PPP1R3B: variants seen among roughly 807,000 people sequenced by gnomAD.
PPP1R3B encodes the protein PP1 subunit R4.
A neutral mutation model predicts 14.6 loss-of-function variants in PPP1R3B; 8 were observed. That is an observed-to-expected ratio of 0.55 (90% CI 0.32 to 0.99). The LOEUF (loss-of-function observed/expected upper bound fraction) is 0.99, where lower values mean the gene tolerates loss of function less well. Among genes scored for constraint, PPP1R3B ranks in the 50% least tolerant of loss-of-function variants. The pLI, the probability that PPP1R3B is intolerant of heterozygous loss-of-function variation, is 0.04. For missense variants in PPP1R3B, 452 were observed against 360.1 expected (o/e 1.26, Z -2.07); for synonymous variants, 169 against 142.0 (o/e 1.19, Z -1.35).
Position 9,139,274 on chromosome 8 carries a change from G to T in PPP1R3B, c.*1520C>A, listed in dbSNP as rs1032045512. The T allele has an allele frequency of 1.3e-5, 2 of 152,180 alleles. No individual in the cohort carries two copies. Among genetic ancestry groups the T allele is most frequent in the African/African-American group, 2.4e-5 (1 of 41,436 alleles). The allele number at this position is 152,180 out of a possible 1,614,324, so 9.4% of individuals were successfully genotyped here. On this transcript the variant is annotated 3_prime_UTR_variant, in exon 2 of 2. Coordinates refer to ENST00000310455, the MANE Select transcript of PPP1R3B (RefSeq NM_024607.4). ...ACAGACTTTAGTCCAATATGGTTAA[G>T]AACAATGAATCTCTGAAATTTCAGA... is the stretch of plus-strand genomic sequence containing the variant.
chr8:9,138,785 A>G lies in PPP1R3B; in HGVS notation c.*2009T>C, dbSNP rs1353629820. On this transcript the variant is annotated 3_prime_UTR_variant, in exon 2 of 2. Transcript: ENST00000310455. ...AGTCGTTTAACCAAACTCCAAAAAC[A>G]AACAAAAATAGAAAATAAAAAACCA... 1.3e-5 allele frequency: 2 copies of G among 152,238 alleles called. No homozygotes were observed. The highest frequency in any genetic ancestry group is 2.9e-5 in the Non-Finnish European group (2 of 68,044). The allele number at this position is 152,238 out of a possible 1,614,324, so 9.4% of individuals were successfully genotyped here. A position where few individuals can be genotyped will look rare whatever the true frequency, so the allele number is the denominator to read the frequency against.
intron 1 of PPP1R3B, among the ~76,000 whole-genome samples, chr8:9,148,129 T>A (rs1268584839): frequency 6.6e-6 from 1 of 152,134 alleles, no homozygotes; most frequent in Non-Finnish European, 1.5e-5. Context: ...GCTCAGGAAC[T>A]CCCCAGCGGA....
chr8:9,147,407 G>T (rs1019069876), intron 1 of PPP1R3B, among the ~76,000 whole-genome samples: 1 of 152,034 alleles, frequency 6.6e-6, no homozygotes, highest in Non-Finnish European at 1.5e-5. Context: ...AGGGAGGAAG[G>T]GTTCCTCTTC....
intron 1 of PPP1R3B, chr8:9,145,366 G>C (rs1801210469): frequency 6.6e-6 from 1 of 152,208 alleles, no homozygotes; most frequent in Admixed American, 6.5e-5. Flanking sequence ...TGAGAATGAA[G>C]ACCTTTATGA....
upstream of PPP1R3B, chr8:9,151,402 C>A (rs79363886): frequency 0.021 from 3,384 of 160,466 alleles, 120 homozygotes; most frequent in African/African-American, 0.076. Context: ...CAGCATACGC[C>A]CTGGGGGAAC....
chr8:9,137,908 G>C lies in PPP1R3B; in HGVS notation c.*2886C>G, dbSNP rs1331473034. The C allele has an allele frequency of 6.6e-6, 1 of 152,240 alleles. No homozygotes were observed. Among genetic ancestry groups the C allele is most frequent in the African/African-American group, 2.4e-5 (1 of 41,456 alleles). 9.4% of individuals were successfully genotyped at this position (152,240 alleles called of 1,614,324 possible). A position where few individuals can be genotyped will look rare whatever the true frequency, so the allele number is the denominator to read the frequency against. On this transcript the variant is annotated 3_prime_UTR_variant, in exon 2 of 2. Coordinates refer to ENST00000310455, the MANE Select transcript of PPP1R3B (RefSeq NM_024607.4). ...AGCTGGGAGAAAGACGGGTAGTGGG[G>C]AGGGTTTACGGCTGCTTTAGAAGAG...
intron 1 of PPP1R3B, among the ~76,000 whole-genome samples, chr8:9,144,570 T>G (rs1801178339): frequency 6.6e-6 from 1 of 152,156 alleles, no homozygotes; most frequent in Non-Finnish European, 1.5e-5. Flanking sequence ...TAATATCACA[T>G]AGAGACATTT....
Position 9,140,880 on chromosome 8 carries a change from G to A in PPP1R3B, c.772C>T (p.Gln258Ter), listed in dbSNP as rs1470544232. The stretch of plus-strand genomic sequence containing the variant: ...TAGGAACACCGAGGGCTTCCGAACT[G>A]GTCAAAGGATATTCCCAAATCCGGT... ...SGPDLGISFD[Q>*]FGSPRCSYGL... Residue 258 changes from glutamine to a stop codon, truncating the protein, a stop_gained, in exon 2 of 2, where the codon CAG (glutamine) becomes TAG (stop). Transcript: ENST00000310455. LOFTEE classifies it high-confidence loss of function. 1.2e-6 allele frequency: 2 copies of A among 1,614,056 alleles called. No individual in the cohort carries two copies. Among genetic ancestry groups the A allele is most frequent in the African/African-American group, 1.3e-5 (1 of 74,914 alleles).
intron 1 of PPP1R3B, among the ~76,000 whole-genome samples, chr8:9,142,015 G>A (rs996187669): frequency 1.3e-5 from 2 of 152,194 alleles, no homozygotes; most frequent in African/African-American, 4.8e-5. Context: ...ATAATCAAAA[G>A]GGCATATATA....
At chr8:9,149,865 C>A (rs756104416) in intron 1 of PPP1R3B, among the ~76,000 whole-genome samples, 1 of 152,228 alleles carries the variant, frequency 6.6e-6, no homozygotes, top group African/African-American at 2.4e-5. Context: ...TCAAATGACA[C>A]AGCCCCTGCC....
At chr8:9,151,519 T>C (rs967179175), upstream of PPP1R3B, 4 of 217,022 alleles carry the variant, frequency 1.8e-5, no homozygotes, top group African/African-American at 7.2e-5. Flanking sequence ...ACCTCCTCCC[T>C]CCAGCAGTCA....
rs1280503966 is a variant in PPP1R3B at position 9,139,451 on chromosome 8, A to C, written c.*1343T>G. ...TAGTGTGAATCACAGTCACGATAAA[A>C]CCATTTTCTGAAGGTTTCGAGGAGA... On this transcript the variant is annotated 3_prime_UTR_variant, in exon 2 of 2. Transcript: ENST00000310455. The C allele has an allele frequency of 2.0e-5, 3 of 152,170 alleles. No individual in the cohort carries two copies. The East Asian group carries it at 5.8e-4, about 29-fold the overall frequency. 9.4% of individuals were successfully genotyped at this position (152,170 alleles called of 1,614,324 possible).
intron 1 of PPP1R3B, among the ~76,000 whole-genome samples, chr8:9,147,884 G>A (rs756637273): frequency 4.6e-5 from 7 of 152,066 alleles, no homozygotes; most frequent in South Asian, 4.1e-4. Flanking sequence ...AGAGTTACCC[G>A]CAGGACTACT....
chr8:9,149,180 G>T (rs1801335491), intron 1 of PPP1R3B, among the ~76,000 whole-genome samples: 2 of 114,038 alleles, frequency 1.8e-5, no homozygotes, highest in Non-Finnish European at 3.4e-5. Context: ...GCGACAGAGC[G>T]AAACTACGTC....
intron 1 of PPP1R3B, among the ~76,000 whole-genome samples, chr8:9,150,287 T>G (rs559632771): frequency 6.6e-6 from 1 of 152,282 alleles, no homozygotes; most frequent in South Asian, 2.1e-4. Flanking sequence ...GTCCAGTCTT[T>G]CCTCTGTTTT....
Position 9,141,294 on chromosome 8 carries a change from C to A in PPP1R3B, c.358G>T (p.Asp120Tyr). 1 of 1,614,156 alleles carries A rather than the reference C, an allele frequency of 6.2e-7. No individual in the cohort carries two copies. Among genetic ancestry groups the A allele is most frequent in the East Asian group, 2.2e-5 (1 of 44,890 alleles). The part of the protein sequence containing the change: ...FVLDFSQPSA[D>Y]YLDFRNRLQA... ...AGTCGATTTCTAAAGTCTAAGTAAT[C>A]TGCAGAGGGCTGGGAAAAATCCAGA... is the stretch of plus-strand genomic sequence containing the variant. Residue 120 changes from aspartate (D) to tyrosine (Y), a missense_variant, in exon 2 of 2, where the codon GAT becomes TAT. Asp to Tyr is a radical substitution (Grantham distance 160). Transcript: ENST00000310455.
Position 9,141,137 on chromosome 8 carries a change from T to A in PPP1R3B, c.515A>T (p.Tyr172Phe). Residue 172 changes from tyrosine (Y) to phenylalanine (F), a missense_variant, in exon 2 of 2, where the codon TAC becomes TTC. Transcript: ENST00000310455. The stretch of plus-strand genomic sequence containing the variant: ...CACGTACTGACAAGGAAAGTCTGTG[T>A]AGCTCTTCCAGGTGTCGAACGTCAT... ...IRMTFDTWKS[Y>F]TDFPCQYVKD... 1 of 1,614,214 alleles carries A rather than the reference T, an allele frequency of 6.2e-7. No homozygotes were observed. Among genetic ancestry groups the A allele is most frequent in the Non-Finnish European group, 8.5e-7 (1 of 1,180,042 alleles).
In PPP1R3B at chr8:9,149,066, G is replaced by A. The variant is rs201856257; in HGVS notation, c.-18+1497C>T. ...AAATTAGCCGGGCGTGGCGGCGGGC[G>A]CCTGTAGTCCCAGCTACTCAGGAGG... On this transcript the variant is annotated intron_variant, in intron 1 of 1. Transcript: ENST00000310455. Among the ~76,000 whole-genome samples, 119 of 150,062 alleles carry A rather than the reference G, an allele frequency of 7.9e-4. 1 individual carries two copies. In the East Asian group the frequency reaches 0.017, roughly 21 times the overall value.
chr8:9,147,943 T>C (rs150235435), intron 1 of PPP1R3B, among the ~76,000 whole-genome samples: 1 of 152,262 alleles, frequency 6.6e-6, no homozygotes, highest in East Asian at 1.9e-4. Flanking sequence ...CCCTTCACTT[T>C]GTGTGTCACC....
Sources: gnomAD v4.1 joint callset for allele counts (sites outside exome capture counted in the v4.1 genomes callset) on GRCh38, gnomAD v4.1.1 for gene constraint, MANE v1.5 for transcripts, NCBI Gene and HGNC (gene_info 2026-07-23, HGNC 2026-07-21) for gene names.